Variants in XIRP2 observed in about 807,000 individuals in gnomAD.
XIRP2 encodes xin actin-binding repeat-containing protein 2.
Under a neutral mutation model 277.0 loss-of-function variants are expected in XIRP2, and 236 were observed. That is an observed-to-expected ratio of 0.85 (90% CI 0.77 to 0.95). XIRP2 has a LOEUF of 0.95. XIRP2 is among the 40% of genes least tolerant of loss of function. XIRP2 has a pLI of 0.00. For synonymous variants in XIRP2, 1,490 were observed against 1,416.5 expected (o/e 1.05, Z -1.17); for missense variants, 4,640 against 4,157.5 (o/e 1.12, Z -3.19).
chr2:166,919,235 T>G (rs967248581), intron 2 of XIRP2, among the ~76,000 whole-genome samples: 3 of 152,202 alleles, frequency 2.0e-5, no homozygotes, highest in Admixed American at 6.5e-5. Context: ...TGGAAAGATA[T>G]TTCTTTATGT....
intron 2 of XIRP2, among the ~76,000 whole-genome samples, chr2:167,072,434 T>A (rs1306474308): frequency 6.6e-6 from 1 of 152,230 alleles, no homozygotes; most frequent in Non-Finnish European, 1.5e-5. Context: ...TGTAATAATG[T>A]GGCCTTCTCC....
At chr2:167,077,795 G>A (rs1689612545) in intron 2 of XIRP2, among the ~76,000 whole-genome samples, 1 of 152,300 alleles carries the variant, frequency 6.6e-6, no homozygotes, top group South Asian at 2.1e-4. Context: ...GGGAAGGTGT[G>A]AAAGATTTGG....
At chr2:167,231,313 G>T (rs1694744657) in intron 5 of XIRP2, among the ~76,000 whole-genome samples, 2 of 151,964 alleles carry the variant, frequency 1.3e-5, no homozygotes, top group African/African-American at 2.4e-5. Flanking sequence ...AACTCTTTAT[G>T]ATACCCTTAA....
intron 10 of XIRP2, 127 bp downstream of exon 10, chr2:167,254,292 G>A (rs1442878885): frequency 8.7e-7 from 1 of 1,147,246 alleles, no homozygotes; most frequent in Non-Finnish European, 1.1e-6. Flanking sequence ...AACCACACAG[G>A]GAGATTTGCT....
intron 2 of XIRP2, among the ~76,000 whole-genome samples, chr2:166,962,221 T>C (rs960212814): frequency 6.6e-6 from 1 of 151,768 alleles, no homozygotes; most frequent in Non-Finnish European, 1.5e-5. Context: ...CAGTCTTTGC[T>C]GATAATCAAC....
chr2:167,190,999 C>G (rs934615328), intron 3 of XIRP2, among the ~76,000 whole-genome samples: 1 of 151,784 alleles, frequency 6.6e-6, no homozygotes, highest in Non-Finnish European at 1.5e-5. Context: ...CCCAGGAGTT[C>G]GAGACCAACC....
rs1435074166 is a variant in XIRP2, at chr2:167,105,930, G to C, written c.409-29979G>C. On this transcript the variant is annotated intron_variant, in intron 2 of 10. Transcript: ENST00000409195. Reference sequence around the variant, plus strand: ...ATGACGTTGAACATCTTTTCATGTAGTCATTACCATCTGTATATTCTCTGA... The same window carrying C: ...ATGACGTTGAACATCTTTTCATGTACTCATTACCATCTGTATATTCTCTGA... Among the ~76,000 whole-genome samples the C allele has an allele frequency of 2.0e-5, 3 of 151,430 alleles. No homozygotes were observed. The South Asian group carries it at 6.2e-4, about 31-fold the overall frequency.
intron 2 of XIRP2, among the ~76,000 whole-genome samples, chr2:166,979,524 T>C (rs1186334349): frequency 6.6e-6 from 1 of 151,862 alleles, no homozygotes; most frequent in African/African-American, 2.4e-5. Flanking sequence ...GTTTTTTTTT[T>C]AGAGATACTA....
intron 3 of XIRP2, among the ~76,000 whole-genome samples, chr2:167,182,496 T>C (rs760529218): frequency 3.3e-5 from 5 of 152,074 alleles, no homozygotes; most frequent in Non-Finnish European, 5.9e-5. Flanking sequence ...TGGGGAAGAG[T>C]TGATCCCTCT....
intron 2 of XIRP2, among the ~76,000 whole-genome samples, chr2:167,127,667 C>T (rs1691246977): frequency 6.6e-6 from 1 of 152,148 alleles, no homozygotes; most frequent in Admixed American, 6.6e-5. Context: ...TTTCAGATAT[C>T]TCGCCGCCTG....
intron 2 of XIRP2, among the ~76,000 whole-genome samples, chr2:166,982,957 C>A (rs1318022046): frequency 2.0e-5 from 3 of 152,178 alleles, no homozygotes; most frequent in Non-Finnish European, 4.4e-5. Flanking sequence ...CCAGAACCAT[C>A]CCCGTCTACC....
intron 3 of XIRP2, among the ~76,000 whole-genome samples, chr2:167,188,418 T>C (rs1389967153): frequency 2.0e-5 from 3 of 152,198 alleles, no homozygotes; most frequent in Non-Finnish European, 2.9e-5. Flanking sequence ...AACCAAAAGA[T>C]ATTTTATTTT....
At chr2:167,031,183 C>T (rs1688336204) in intron 2 of XIRP2, among the ~76,000 whole-genome samples, 1 of 152,004 alleles carries the variant, frequency 6.6e-6, no homozygotes, top group African/African-American at 2.4e-5. Context: ...GGGCATTTAG[C>T]CCATTTACAG....
chr2:167,244,107 A>C lies in XIRP2; in HGVS notation c.2715A>C (p.Glu905Asp). The C allele has an allele frequency of 6.2e-7, 1 of 1,614,008 alleles. No individual in the cohort carries two copies. Among genetic ancestry groups the C allele is most frequent in the Non-Finnish European group, 8.5e-7 (1 of 1,179,936 alleles). Reference sequence around the variant, plus strand: ...AAAAAATCACTGCCTCTGAAGAAGAAAAAGGGGATGTTAGGCATCAAAAAT... The same window carrying C: ...AAAAAATCACTGCCTCTGAAGAAGACAAAGGGGATGTTAGGCATCAAAAAT... Reference protein sequence around the residue: ...KLQKITASEEEKGDVRHQKWI... With the variant: ...KLQKITASEEDKGDVRHQKWI... Residue 905 changes from glutamate (E) to aspartate (D), a missense_variant, in exon 9 of 11, where the codon GAA becomes GAC. Coordinates refer to ENST00000409195, the MANE Select transcript of XIRP2 (RefSeq NM_152381.6).
chr2:166,958,482 G>A (rs1686223695), intron 2 of XIRP2, among the ~76,000 whole-genome samples: 1 of 151,710 alleles, frequency 6.6e-6, no homozygotes, highest in African/African-American at 2.4e-5. Flanking sequence ...AAATATAGCT[G>A]GGGTTTGGAG....
At chr2:166,999,301 A>G (rs371213320) in intron 2 of XIRP2, among the ~76,000 whole-genome samples, 7 of 152,268 alleles carry the variant, frequency 4.6e-5, no homozygotes, top group East Asian at 3.9e-4. Context: ...TCTGAGTAAA[A>G]CAACTAGTAG....
Position 167,245,570 on chromosome 2 carries a change from C to T in XIRP2, c.4178C>T (p.Thr1393Ile), listed in dbSNP as rs767524861. Residue 1393 changes from threonine to isoleucine, a missense_variant, in exon 9 of 11, where the codon ACT becomes ATT. Coordinates refer to ENST00000409195, the MANE Select transcript of XIRP2 (RefSeq NM_152381.6). ...DVSSVRYRFE[T>I]QPLDQISEES... Reference sequence around the variant, plus strand: ...AGTTCTGTCAGATACAGATTTGAAACTCAGCCACTGGATCAGATTTCTGAA... The same window carrying T: ...AGTTCTGTCAGATACAGATTTGAAATTCAGCCACTGGATCAGATTTCTGAA... 28 of 1,613,516 alleles carry T rather than the reference C, an allele frequency of 1.7e-5. No homozygotes were observed. The highest frequency in any genetic ancestry group is 2.0e-5 in the Non-Finnish European group (24 of 1,179,752).
chr2:167,188,758 T>C (rs1170519333), intron 3 of XIRP2, among the ~76,000 whole-genome samples: 2 of 152,250 alleles, frequency 1.3e-5, no homozygotes, highest in African/African-American at 4.8e-5. Context: ...TTCAGATGCC[T>C]GCACTATGGC....
chr2:167,089,183 T>A (rs1021776471), intron 2 of XIRP2, among the ~76,000 whole-genome samples: 1 of 152,112 alleles, frequency 6.6e-6, no homozygotes, highest in Non-Finnish European at 1.5e-5. Flanking sequence ...CAGCATCACA[T>A]GTAGAGAGGA....
Sources: gnomAD v4.1 joint callset for allele counts (sites outside exome capture counted in the v4.1 genomes callset) on GRCh38, gnomAD v4.1.1 for gene constraint, MANE v1.5 for transcripts, NCBI Gene and HGNC (gene_info 2026-07-23, HGNC 2026-07-21) for gene names.